NOL4L: variants seen among roughly 807,000 people sequenced by gnomAD.
NOL4L encodes nucleolar protein 4 like, also known as nucleolar protein 4-like.
NOL4L carries 7 observed loss-of-function variants against 64.5 expected under a neutral mutation model. The ratio of observed to expected loss-of-function variants is 0.11; its 90% confidence interval spans 0.06 to 0.20. The LOEUF (loss-of-function observed/expected upper bound fraction) is 0.20. NOL4L is among the 10% of genes least tolerant of loss of function. The pLI is 1.00. For missense variants in NOL4L, 680 were observed against 967.1 expected, an observed-to-expected ratio of 0.70 and a Z score of 3.94; for synonymous variants, 413 against 401.0, an observed-to-expected ratio of 1.03 and a Z score of -0.36.
chr20:32,514,188 C>A (rs930918730), intron 3 of NOL4L, among the ~76,000 whole-genome samples: 2 of 151,982 alleles, frequency 1.3e-5, no homozygotes, highest in African/African-American at 4.8e-5. Context: ...ATTCTTTGTT[C>A]TTTGAGGAAG....
intron 1 of NOL4L, among the ~76,000 whole-genome samples, chr20:32,577,329 G>C (rs902326743): frequency 1.3e-5 from 2 of 152,244 alleles, no homozygotes; most frequent in Admixed American, 1.3e-4. Context: ...CTTCTCAGCA[G>C]GTGCCTGCCA....
chr20:32,560,888 A>G (rs1217518170), intron 1 of NOL4L, among the ~76,000 whole-genome samples: 1 of 152,270 alleles, frequency 6.6e-6, no homozygotes, highest in African/African-American at 2.4e-5. Context: ...CATCGGCCAC[A>G]AGAACACTGG....
At chr20:32,578,511 G>A (rs1292495739) in intron 1 of NOL4L, among the ~76,000 whole-genome samples, 2 of 152,160 alleles carry the variant, frequency 1.3e-5, no homozygotes, top group Non-Finnish European at 2.9e-5. Flanking sequence ...TCAGCCTTCT[G>A]AGTAGCTGGG....
chr20:32,543,539 A>G (rs2018688468), intron 1 of NOL4L, among the ~76,000 whole-genome samples: 1 of 152,140 alleles, frequency 6.6e-6, no homozygotes, highest in South Asian at 2.1e-4. Flanking sequence ...GAATCGCTTG[A>G]ACCCAGGAGG....
At chr20:32,458,611 C>A (rs1325388930) in intron 5 of NOL4L, among the ~76,000 whole-genome samples, 2 of 152,226 alleles carry the variant, frequency 1.3e-5, no homozygotes, top group Non-Finnish European at 2.9e-5. Context: ...GGGGCCCATC[C>A]TTCACCCACC....
intron 5 of NOL4L, among the ~76,000 whole-genome samples, chr20:32,468,091 C>A (rs1386400770): frequency 6.6e-6 from 1 of 152,208 alleles, no homozygotes; most frequent in Non-Finnish European, 1.5e-5. Flanking sequence ...CCACAGCCCC[C>A]AGGCCATGTC....
intron 4 of NOL4L, among the ~76,000 whole-genome samples, chr20:32,490,790 TC>T (rs2016435748): frequency 6.6e-6 from 1 of 152,248 alleles, no homozygotes; most frequent in Non-Finnish European, 1.5e-5. Context: ...TAAAATGTCA[TC>T]AGTTAATTCT....
chr20:32,568,882 C>A (rs116744544), intron 1 of NOL4L, among the ~76,000 whole-genome samples: 1 of 152,136 alleles, frequency 6.6e-6, no homozygotes, highest in African/African-American at 2.4e-5. Context: ...TGTGGGGGAC[C>A]CTGGCCATCT....
At position 32,494,270 on chromosome 20, in the gene NOL4L, AAAAAAAAAAAAAC is replaced by A. The variant is rs1215917845; in HGVS notation, c.699+17064_699+17076del. ...AATCTCGGGAAAAAAAAAAAAAAAAAAAAAAAAAAAAACACACAACACACACACACACACAAAC... is the reference window on the plus strand; with the variant it reads ...AATCTCGGGAAAAAAAAAAAAAAAAAACACAACACACACACACACACAAAC... On this transcript the variant is annotated intron_variant, in intron 4 of 10. Transcript: ENST00000621426. Among the ~76,000 whole-genome samples the A allele has an allele frequency of 1.1e-4, 16 of 142,960 alleles. No individual in the cohort carries two copies. The South Asian group carries it at 1.9e-3, about 17-fold the overall frequency. 93.8% of individuals were successfully genotyped at this position (142,960 alleles called of 152,430 possible).
intron 1 of NOL4L, among the ~76,000 whole-genome samples, chr20:32,541,008 T>TACACACACACACAC (rs10675320): frequency 0.026 from 3,459 of 133,538 alleles, 120 homozygotes; most frequent in East Asian, 0.092. Context: ...CGCCACCCCC[T>TACACACACACACAC]ACACACACAC....
At chr20:32,455,600 G>C (rs902371842) in intron 6 of NOL4L, among the ~76,000 whole-genome samples, 1 of 152,154 alleles carries the variant, frequency 6.6e-6, no homozygotes, top group African/African-American at 2.4e-5. Flanking sequence ...AAGCAGGGGG[G>C]ATGCCCACTG....
intron 4 of NOL4L, among the ~76,000 whole-genome samples, chr20:32,491,713 T>C (rs535349103): frequency 1.8e-4 from 28 of 152,308 alleles, no homozygotes; most frequent in African/African-American, 6.7e-4. Context: ...CCCTCCCTTC[T>C]TTCCTGGTGC....
chr20:32,522,173 G>A lies in NOL4L; in HGVS notation c.478-1251C>T, dbSNP rs115883768. Among the ~76,000 whole-genome samples the A allele has an allele frequency of 8.1e-3, 1,232 of 152,308 alleles. 17 individuals carry two copies. The highest frequency in any genetic ancestry group is 0.029 in the African/African-American group (1,192 of 41,560). On this transcript the variant is annotated intron_variant, in intron 2 of 10. Transcript: ENST00000621426. ...CTGGGCTCTTGGAGGACCAGCTCAGGCACAGCTTCCAGCTCAGCCCACTGG... is the reference window on the plus strand; with the variant it reads ...CTGGGCTCTTGGAGGACCAGCTCAGACACAGCTTCCAGCTCAGCCCACTGG...
chr20:32,564,623 C>G (rs1458266851), intron 1 of NOL4L, among the ~76,000 whole-genome samples: 1 of 152,252 alleles, frequency 6.6e-6, no homozygotes, highest in Non-Finnish European at 1.5e-5. Context: ...CCTCGTATGT[C>G]CTGTGTGCTT....
chr20:32,490,895 C>CACTGGCCT (rs1424488464), intron 4 of NOL4L, among the ~76,000 whole-genome samples: 1 of 152,234 alleles, frequency 6.6e-6, no homozygotes, highest in Non-Finnish European at 1.5e-5. Context: ...TTGGAGGCCC[C>CACTGGCCT]ACTGGCCTGC....
intron 1 of NOL4L, among the ~76,000 whole-genome samples, chr20:32,572,939 G>C (rs1326081241): frequency 2.0e-5 from 3 of 152,216 alleles, no homozygotes; most frequent in African/African-American, 2.4e-5. Context: ...GGCATAAGCA[G>C]AGAGCAGTTC....
At chr20:32,488,804 T>C (rs1341272696) in intron 4 of NOL4L, among the ~76,000 whole-genome samples, 16 of 18,082 alleles carry the variant, frequency 8.8e-4, no homozygotes, top group Non-Finnish European at 1.3e-3. Context: ...TCTTTCTTTC[T>C]TTTTCTTTCT....
intron 9 of NOL4L, 47 bp downstream of exon 9, chr20:32,452,837 C>T (rs1328076616): frequency 6.2e-7 from 1 of 1,608,782 alleles, no homozygotes; most frequent in Non-Finnish European, 8.5e-7. Context: ...GCCTGCCCTC[C>T]CTGGCTGCCC....
At position 32,488,827 on chromosome 20, in the gene NOL4L, T is replaced by TTTCTTTCTTTCTTTC. The variant is rs2016294538; in HGVS notation, c.700-14086_700-14085insGAAAGAAAGAAAGAA. Among the ~76,000 whole-genome samples the TTTCTTTCTTTCTTTC allele has an allele frequency of 3.6e-4, 12 of 33,138 alleles. 2 individuals are homozygous for TTTCTTTCTTTCTTTC. The highest frequency in any genetic ancestry group is 5.3e-4 in the Non-Finnish European group (10 of 18,890). The allele number at this position is 33,138 out of a possible 152,430, so 21.7% of individuals were successfully genotyped here. ...TCTTTTTCTTTCTTTCTTTCTTTCT[T>TTTCTTTCTTTCTTTC]TTTCTTTCTTTCTTTCTTTCTTTCT... On this transcript the variant is annotated intron_variant, in intron 4 of 10. Coordinates refer to ENST00000621426, the MANE Select transcript of NOL4L (RefSeq NM_001256798.2).
Sources: gnomAD v4.1 joint callset for allele counts (sites outside exome capture counted in the v4.1 genomes callset) on GRCh38, gnomAD v4.1.1 for gene constraint, MANE v1.5 for transcripts, NCBI Gene and HGNC (gene_info 2026-07-23, HGNC 2026-07-21) for gene names.